The following EHD4 variants were observed in gnomAD, a reference collection of about 807,000 sequenced individuals.
The protein encoded by EHD4 is EH domain-containing protein 4.
In EHD4, 37 loss-of-function variants were observed where a neutral mutation model predicts 51.0. The observed-to-expected ratio is 0.73, with a 90% CI of 0.56 to 0.95. The LOEUF (loss-of-function observed/expected upper bound fraction) is 0.95, where lower values mean the gene tolerates loss of function less well. EHD4 is among the 40% of genes least tolerant of loss of function. The pLI, the probability that EHD4 is intolerant of heterozygous loss-of-function variation, is 0.00. For synonymous variants in EHD4, 297 were observed against 317.3 expected, an observed-to-expected ratio of 0.94 and a Z score of 0.68; for missense variants, 632 against 733.1, an observed-to-expected ratio of 0.86 and a Z score of 1.59.
chr15:41,900,591 A>C lies in EHD4; in HGVS notation c.*54T>G. 3 of 1,489,046 alleles carry C rather than the reference A, an allele frequency of 2.0e-6. No individual in the cohort carries two copies. Among genetic ancestry groups the C allele is most frequent in the Non-Finnish European group, 2.7e-6 (3 of 1,117,116 alleles). The allele number at this position is 1,489,046 out of a possible 1,614,324, so 92.2% of individuals were successfully genotyped here. Reference sequence around the variant, plus strand: ...AGGTCATTCGGTGAGTCAGTGGTGGAGCAGGCCTGAGGCCCAGGTCCCCCA... The same window carrying C: ...AGGTCATTCGGTGAGTCAGTGGTGGCGCAGGCCTGAGGCCCAGGTCCCCCA... On this transcript the variant is annotated 3_prime_UTR_variant, in exon 6 of 6. Coordinates refer to ENST00000220325, the MANE Select transcript of EHD4 (RefSeq NM_139265.4). This position sits in a 1 kb window ranked among gnomAD's most constrained non-coding sequence, Gnocchi z 4.8.
chr15:41,917,967 C>G (rs1198804305), intron 4 of EHD4, among the ~76,000 whole-genome samples: 3 of 152,184 alleles, frequency 2.0e-5, no homozygotes, highest in African/African-American at 7.2e-5. Flanking sequence ...CATCGAGGTC[C>G]TGTGTGAGGG....
chr15:41,906,579 C>T (rs968738975), intron 5 of EHD4, among the ~76,000 whole-genome samples: 2 of 152,228 alleles, frequency 1.3e-5, no homozygotes, highest in African/African-American at 2.4e-5. Context: ...GCAGGGTAGC[C>T]GTGCCACTCA....
intron 5 of EHD4, among the ~76,000 whole-genome samples, chr15:41,907,824 C>A (rs867443580): frequency 7.6e-6 from 1 of 132,028 alleles, no homozygotes; most frequent in Admixed American, 8.0e-5. Flanking sequence ...CGCCCAGGCT[C>A]TGTGTGTGTG....
intron 2 of EHD4, among the ~76,000 whole-genome samples, chr15:41,948,597 T>G (rs942754227): frequency 5.3e-5 from 8 of 152,090 alleles, no homozygotes; most frequent in Non-Finnish European, 8.8e-5. Context: ...GAATCAAGAG[T>G]CATTCTTGGC....
At chr15:41,956,810 G>A (rs1281487306) in intron 1 of EHD4, among the ~76,000 whole-genome samples, 1 of 152,182 alleles carries the variant, frequency 6.6e-6, no homozygotes, top group Non-Finnish European at 1.5e-5. Context: ...TTATCAATTT[G>A]TTTGGTGATA....
At chr15:41,939,480 T>C (rs1169859441) in intron 3 of EHD4, among the ~76,000 whole-genome samples, 1 of 151,128 alleles carries the variant, frequency 6.6e-6, no homozygotes, top group Non-Finnish European at 1.5e-5. Context: ...GGATCACACC[T>C]GAGGTCAGGA....
In EHD4 at chr15:41,898,320, A is replaced by G. The variant is rs1351891534; in HGVS notation, c.*2325T>C. Reference sequence around the variant, plus strand: ...GCTGCCCTCTAAAGCAGCTTTCTGTATCCAGACAAAACTTACATATGTACA... The same window carrying G: ...GCTGCCCTCTAAAGCAGCTTTCTGTGTCCAGACAAAACTTACATATGTACA... On this transcript the variant is annotated 3_prime_UTR_variant, in exon 6 of 6. Transcript: ENST00000220325. 6.6e-6 allele frequency: 1 copy of G among 152,242 alleles called. No individual in the cohort carries two copies. The allele number at this position is 152,242 out of a possible 1,614,324, so 9.4% of individuals were successfully genotyped here.
intron 3 of EHD4, among the ~76,000 whole-genome samples, chr15:41,931,680 C>CTT (rs1175401028): frequency 1.2e-4 from 17 of 143,068 alleles, no homozygotes; most frequent in Admixed American, 3.5e-4. Context: ...TCAGCAATTT[C>CTT]TTTTTTTTTT....
intron 1 of EHD4, among the ~76,000 whole-genome samples, chr15:41,954,640 AT>A (rs926206685): frequency 3.1e-4 from 47 of 149,936 alleles, no homozygotes; most frequent in African/African-American, 9.3e-4. Flanking sequence ...CTGAAAAAAA[AT>A]TTTTTTTTTT....
chr15:41,940,953 G>C (rs1224187209), intron 3 of EHD4, among the ~76,000 whole-genome samples: 1 of 152,214 alleles, frequency 6.6e-6, no homozygotes, highest in Non-Finnish European at 1.5e-5. Context: ...AAAAGAAAGA[G>C]TTAGCAGGAC....
rs958671143 is a variant in EHD4, at chr15:41,953,951, G to A, written c.237-11C>T. The A allele has an allele frequency of 4.4e-6, 7 of 1,593,936 alleles. No homozygotes were observed. Among genetic ancestry groups the A allele is most frequent in the Non-Finnish European group, 5.9e-6 (7 of 1,178,728 alleles). ...TGCTCCAGTAGGTATCTGGGAGAGGGAAGAAGAAGAGAAAGCTTAGCATCT... is the reference window on the plus strand; with the variant it reads ...TGCTCCAGTAGGTATCTGGGAGAGGAAAGAAGAAGAGAAAGCTTAGCATCT... On this transcript the variant is annotated splice_polypyrimidine_tract_variant and intron_variant, in intron 1 of 5. Transcript: ENST00000220325.
intron 1 of EHD4, among the ~76,000 whole-genome samples, chr15:41,961,118 T>C (rs1266649224): frequency 1.3e-5 from 2 of 152,352 alleles, no homozygotes. Flanking sequence ...ATTAGGTCAT[T>C]GAACCAATAA....
intron 5 of EHD4, among the ~76,000 whole-genome samples, chr15:41,903,365 T>C: frequency 7.2e-6 from 1 of 139,732 alleles, no homozygotes; most frequent in Non-Finnish European, 1.6e-5. Context: ...TAAGCAAAAC[T>C]AAAAATTTAA....
chr15:41,929,997 TC>T (rs2067688108), intron 3 of EHD4, among the ~76,000 whole-genome samples: 1 of 152,178 alleles, frequency 6.6e-6, no homozygotes, highest in African/African-American at 2.4e-5. Flanking sequence ...TTTTATTACA[TC>T]CCTTCTACTG....
intron 4 of EHD4, among the ~76,000 whole-genome samples, chr15:41,918,559 GC>G (rs2067601024): frequency 6.6e-6 from 1 of 152,194 alleles, no homozygotes; most frequent in South Asian, 2.1e-4. Context: ...ACCTCTCACT[GC>G]CCCATTGGGC....
chr15:41,945,187 G>A lies in EHD4; in HGVS notation c.414-2023C>T, dbSNP rs1289470835. Among the ~76,000 whole-genome samples, 3 of 152,150 alleles carry A rather than the reference G, an allele frequency of 2.0e-5. No individual in the cohort carries two copies. In the East Asian group the frequency reaches 5.8e-4, roughly 29 times the overall value. ...TCACACCTACGTGAAACAATTTTCT[G>A]CAAACCATTCCCGTGGACAGGCTGA... On this transcript the variant is annotated intron_variant, in intron 2 of 5. Transcript: ENST00000220325.
At chr15:41,907,824 CTG>C (rs10522331) in intron 5 of EHD4, among the ~76,000 whole-genome samples, 2,963 of 132,034 alleles carry the variant, frequency 0.022, 46 homozygotes, top group East Asian at 0.054. Context: ...CGCCCAGGCT[CTG>C]TGTGTGTGTG....
At chr15:41,907,155 C>T (rs537915440) in intron 5 of EHD4, among the ~76,000 whole-genome samples, 2 of 152,332 alleles carry the variant, frequency 1.3e-5, no homozygotes, top group East Asian at 3.9e-4. Context: ...AGCCCCAGGG[C>T]TCAAGAGCAG....
intron 1 of EHD4, among the ~76,000 whole-genome samples, chr15:41,959,593 C>T (rs1287021117): frequency 6.6e-6 from 1 of 151,922 alleles, no homozygotes; most frequent in Non-Finnish European, 1.5e-5. Context: ...TTACTTGATC[C>T]ACTATTTCAC....
Sources: allele counts gnomAD v4.1 joint callset (sites outside exome capture counted in the v4.1 genomes callset), GRCh38; gene constraint gnomAD v4.1.1; non-coding constraint Gnocchi (gnomAD v3.1); transcripts MANE v1.5; gene names NCBI Gene and HGNC (gene_info 2026-07-23, HGNC 2026-07-21).